Variants in TMEM132D observed in about 807,000 individuals in gnomAD.
TMEM132D encodes the protein mature OL transmembrane protein.
Under a neutral mutation model 62.3 loss-of-function variants are expected in TMEM132D, and 21 were observed. The ratio of observed to expected loss-of-function variants is 0.34; its 90% confidence interval spans 0.24 to 0.49. The LOEUF (loss-of-function observed/expected upper bound fraction) is 0.49. TMEM132D is among the 20% of genes least tolerant of loss of function. The pLI is 0.99. For synonymous variants in TMEM132D, 621 were observed against 575.6 expected, an observed-to-expected ratio of 1.08 and a Z score of -1.13; for missense variants, 1,346 against 1,402.8, an observed-to-expected ratio of 0.96 and a Z score of 0.65.
intron 2 of TMEM132D, among the ~76,000 whole-genome samples, chr12:129,674,096 T>G (rs914494762): frequency 1.3e-5 from 2 of 152,196 alleles, no homozygotes; most frequent in Non-Finnish European, 2.9e-5. Context: ...TCCTTGAGTT[T>G]TCTTTGCTGT....
intron 1 of TMEM132D, among the ~76,000 whole-genome samples, chr12:129,838,684 GTAT>G (rs1374910586): frequency 6.6e-6 from 1 of 152,170 alleles, no homozygotes; most frequent in African/African-American, 2.4e-5. Context: ...TTGAAAAATA[GTAT>G]TCATAGGATA....
At chr12:129,497,841 A>G (rs1283374465) in intron 3 of TMEM132D, among the ~76,000 whole-genome samples, 1 of 152,028 alleles carries the variant, frequency 6.6e-6, no homozygotes, top group Non-Finnish European at 1.5e-5. Flanking sequence ...TTATGTTTTT[A>G]GGAGAGATGG....
At chr12:129,443,737 T>C (rs1873006360) in intron 3 of TMEM132D, among the ~76,000 whole-genome samples, 1 of 152,200 alleles carries the variant, frequency 6.6e-6, no homozygotes, top group Admixed American at 6.5e-5. Context: ...TCTCCCTGCT[T>C]CTGTGCACGT....
chr12:129,623,698 T>TATACATATATATACATAC, intron 2 of TMEM132D, among the ~76,000 whole-genome samples: 1 of 143,590 alleles, frequency 7.0e-6, no homozygotes, highest in South Asian at 2.1e-4. Flanking sequence ...TATATACATA[T>TATACATATATATACATAC]ATATACATAC....
chr12:129,449,864 G>C (rs1047140760), intron 3 of TMEM132D, among the ~76,000 whole-genome samples: 1 of 152,150 alleles, frequency 6.6e-6, no homozygotes, highest in Non-Finnish European at 1.5e-5. Context: ...GGATATGTTG[G>C]ATCAGTTTGA....
At chr12:129,389,185 C>A (rs1280385059) in intron 3 of TMEM132D, among the ~76,000 whole-genome samples, 1 of 151,954 alleles carries the variant, frequency 6.6e-6, no homozygotes, top group African/African-American at 2.4e-5. Flanking sequence ...AATATTAATA[C>A]AAGCACTATC....
At position 129,700,081 on chromosome 12, in the gene TMEM132D, C is replaced by T. The variant is rs1881345021; in HGVS notation, c.697G>A (p.Gly233Arg). Residue 233 changes from glycine (G) to arginine (R), a missense_variant, in exon 2 of 9, where the codon GGG (glycine) becomes AGG (arginine). Coordinates refer to ENST00000422113, the MANE Select transcript of TMEM132D (RefSeq NM_133448.3). Reference sequence around the variant, plus strand: ...CTGACGCAGTCCCCTCTCTCACCCCCTGGGTGCACGGTGTAGTAGAGCTCC... The same window carrying T: ...CTGACGCAGTCCCCTCTCTCACCCCTTGGGTGCACGGTGTAGTAGAGCTCC... The part of the protein sequence containing the change: ...PVELYYTVHP[G>R]GERGDCVRED... 1 of 1,613,704 alleles carries T rather than the reference C, an allele frequency of 6.2e-7. No individual in the cohort carries two copies.
intron 4 of TMEM132D, among the ~76,000 whole-genome samples, chr12:129,245,616 A>T (rs1261560101): frequency 7.9e-5 from 12 of 151,872 alleles, no homozygotes; most frequent in Admixed American, 7.9e-4. Flanking sequence ...ATCAGCTGAG[A>T]CATTAATAAC....
At chr12:129,565,650 G>T (rs1473144504) in intron 2 of TMEM132D, among the ~76,000 whole-genome samples, 1 of 152,146 alleles carries the variant, frequency 6.6e-6, no homozygotes, top group Non-Finnish European at 1.5e-5. Context: ...ATTCTGCCTG[G>T]TCTTTCAGAG....
chr12:129,859,592 C>G (rs1459489610), intron 1 of TMEM132D, among the ~76,000 whole-genome samples: 1 of 152,152 alleles, frequency 6.6e-6, no homozygotes, highest in African/African-American at 2.4e-5. Flanking sequence ...GAGATGCAGA[C>G]CCACCCTCAG....
chr12:129,893,217 C>G (rs2137395564), intron 1 of TMEM132D, among the ~76,000 whole-genome samples: 1 of 152,208 alleles, frequency 6.6e-6, no homozygotes, highest in Non-Finnish European at 1.5e-5. Context: ...ATTTCAGATT[C>G]CTGTACCTCA....
chr12:129,455,190 G>A (rs1235247250), intron 3 of TMEM132D, among the ~76,000 whole-genome samples: 1 of 152,184 alleles, frequency 6.6e-6, no homozygotes, highest in Non-Finnish European at 1.5e-5. Context: ...ATAAAGCCAT[G>A]GGAATAAGAC....
At chr12:129,085,008 A>G in intron 5 of TMEM132D, 2 of 521,466 alleles carry the variant, frequency 3.8e-6, no homozygotes, top group Non-Finnish European at 6.7e-6. Context: ...TCTTCCGTAG[A>G]AGACTGCCCT....
At chr12:129,446,995 A>C (rs186756581) in intron 3 of TMEM132D, among the ~76,000 whole-genome samples, 13 of 152,292 alleles carry the variant, frequency 8.5e-5, no homozygotes, top group African/African-American at 2.4e-4. Flanking sequence ...CCATCAATTC[A>C]AATCTAAAAC....
At chr12:129,414,421 T>A (rs147441822) in intron 3 of TMEM132D, among the ~76,000 whole-genome samples, 2 of 152,358 alleles carry the variant, frequency 1.3e-5, no homozygotes, top group East Asian at 3.9e-4. Flanking sequence ...AAGGTCTTGT[T>A]TGACACAGAG....
At chr12:129,602,487 T>TA (rs1266275744) in intron 2 of TMEM132D, among the ~76,000 whole-genome samples, 1 of 152,020 alleles carries the variant, frequency 6.6e-6, no homozygotes, top group Admixed American at 6.6e-5. Flanking sequence ...GAAAAGTAGA[T>TA]AAAAAGACAT....
chr12:129,725,215 T>C (rs1868987621), intron 1 of TMEM132D, among the ~76,000 whole-genome samples: 1 of 152,240 alleles, frequency 6.6e-6, no homozygotes, highest in Non-Finnish European at 1.5e-5. Flanking sequence ...AAGTATCGTT[T>C]AATAAGCTCA....
chr12:129,446,447 G>A (rs1873099877), intron 3 of TMEM132D, among the ~76,000 whole-genome samples: 1 of 152,210 alleles, frequency 6.6e-6, no homozygotes, highest in African/African-American at 2.4e-5. Context: ...AGAATACGAT[G>A]TCTCAGGAAT....
intron 1 of TMEM132D, among the ~76,000 whole-genome samples, chr12:129,759,547 TAA>T (rs1306162492): frequency 6.6e-6 from 1 of 152,182 alleles, no homozygotes; most frequent in Non-Finnish European, 1.5e-5. Context: ...TGCTTCTCTG[TAA>T]AAGAGAGTTT....
Sources: allele counts gnomAD v4.1 joint callset (sites outside exome capture counted in the v4.1 genomes callset), GRCh38; gene constraint gnomAD v4.1.1; transcripts MANE v1.5; gene names NCBI Gene and HGNC (gene_info 2026-07-23, HGNC 2026-07-21).